The following CIRSR variants were observed in gnomAD, a reference collection of about 807,000 sequenced individuals.
CIRSR encodes the protein corepressor of RBPJ and splicing regulator, also known as CBF1 (RBPJ) interacting corepressor 1.
At chr2:174,361,626 C>T in the CIRSR span, among the ~76,000 whole-genome samples, 1 of 152,148 alleles carries the variant, frequency 6.6e-6, no homozygotes, top group Non-Finnish European at 1.5e-5. Flanking sequence ...AAAATTAAAT[C>T]AAGAATTAGG....
the CIRSR span, among the ~76,000 whole-genome samples, chr2:174,392,262 G>A: frequency 6.6e-6 from 1 of 152,188 alleles, no homozygotes; most frequent in East Asian, 1.9e-4. Flanking sequence ...CACCCAAAGT[G>A]CAGAGATTAC....
the CIRSR span, chr2:174,349,087 G>C: frequency 6.5e-7 from 1 of 1,544,188 alleles, no homozygotes; most frequent in Non-Finnish European, 8.7e-7. Flanking sequence ...GAGGACTTAT[G>C]TTTTTTGTGT....
At chr2:174,373,162 A>T in the CIRSR span, among the ~76,000 whole-genome samples, 1 of 152,216 alleles carries the variant, frequency 6.6e-6, no homozygotes, top group Non-Finnish European at 1.5e-5. Flanking sequence ...TCATAATTTT[A>T]TCATAGAGTT....
At chr2:174,366,099 C>T in the CIRSR span, among the ~76,000 whole-genome samples, 1 of 152,056 alleles carries the variant, frequency 6.6e-6, no homozygotes, top group Non-Finnish European at 1.5e-5. Context: ...ATTTACAATG[C>T]CTTTGACGGG....
the CIRSR span, chr2:174,370,133 G>A: frequency 8.0e-7 from 1 of 1,247,912 alleles, no homozygotes; most frequent in South Asian, 1.3e-5. Context: ...GGGCATAATG[G>A]GTGGTTGAGA....
chr2:174,354,622 ATAT>A, the CIRSR span, among the ~76,000 whole-genome samples: 1 of 81,136 alleles, frequency 1.2e-5, no homozygotes. Context: ...TATATTTTAT[ATAT>A]TATATAATAT....
chr2:174,378,781 T>G, the CIRSR span: 2 of 699,786 alleles, frequency 2.9e-6, no homozygotes, highest in Non-Finnish European at 5.1e-6. Flanking sequence ...AATCATATTT[T>G]GGGAATGGTC....
At chr2:174,378,611 T>G in the CIRSR span, 1 of 341,928 alleles carries the variant, frequency 2.9e-6, no homozygotes, top group Admixed American at 4.6e-5. Context: ...GTATGAGAAA[T>G]AAGCATTTTT....
At chr2:174,370,062 A>T in the CIRSR span, 677 of 1,355,934 alleles carry the variant, frequency 5.0e-4, 1 homozygote, top group Non-Finnish European at 6.5e-4. Flanking sequence ...GCATGCCTGC[A>T]TTAGAGTTTC....
the CIRSR span, among the ~76,000 whole-genome samples, chr2:174,388,322 C>T: frequency 1.2e-3 from 177 of 152,306 alleles, no homozygotes; most frequent in South Asian, 9.1e-3. Flanking sequence ...CCTCAGCCTC[C>T]GGAGTAGCTG....
chr2:174,393,975 T>C, the CIRSR span, among the ~76,000 whole-genome samples: 2 of 152,234 alleles, frequency 1.3e-5, no homozygotes, highest in Admixed American at 6.5e-5. Context: ...ATCAAAAACA[T>C]TTCATTCTTC....
chr2:174,348,374 G>A, the CIRSR span: 1 of 1,436,678 alleles, frequency 7.0e-7, no homozygotes, highest in Non-Finnish European at 9.2e-7. Flanking sequence ...TTAAAATTGA[G>A]CTTTTTTATT....
chr2:174,349,030 A>C, the CIRSR span: 1 of 1,598,350 alleles, frequency 6.3e-7, no homozygotes, highest in Admixed American at 1.7e-5. Context: ...CTGCTTTCTG[A>C]AGTCTCAGTA....
At chr2:174,348,628 G>A in the CIRSR span, 2 of 1,614,026 alleles carry the variant, frequency 1.2e-6, no homozygotes, top group Admixed American at 1.7e-5. Flanking sequence ...GGATTTCGCT[G>A]TGCCCGTTTC....
At chr2:174,389,943 A>G in the CIRSR span, among the ~76,000 whole-genome samples, 7 of 152,250 alleles carry the variant, frequency 4.6e-5, no homozygotes, top group Non-Finnish European at 1.0e-4. Flanking sequence ...CAGAAGATGT[A>G]TGGAAACACC....
chr2:174,380,949 T>A, the CIRSR span: 3 of 680,332 alleles, frequency 4.4e-6, no homozygotes, highest in Non-Finnish European at 4.6e-6. Context: ...TTGACTTTTT[T>A]TCTTCTTTCA....
At chr2:174,376,817 A>G in the CIRSR span, among the ~76,000 whole-genome samples, 31 of 151,782 alleles carry the variant, frequency 2.0e-4, no homozygotes, top group Middle Eastern at 3.4e-3. Context: ...AAAAAAAAAA[A>G]AAAGAAAGAA....
At chr2:174,387,814 T>C in the CIRSR span, 1 of 1,523,508 alleles carries the variant, frequency 6.6e-7, no homozygotes, top group East Asian at 2.3e-5. Context: ...AATTAAATTG[T>C]TGGATTTAAA....
At chr2:174,387,630 A>C in the CIRSR span, 4 of 1,521,028 alleles carry the variant, frequency 2.6e-6, no homozygotes, top group Non-Finnish European at 2.7e-6. Flanking sequence ...TCAGTAGGAA[A>C]TTATTCCCAT....
Sources: gnomAD v4.1 joint callset for allele counts (sites outside exome capture counted in the v4.1 genomes callset) on GRCh38, gnomAD v4.1.1 for gene constraint, MANE v1.5 for transcripts, NCBI Gene and HGNC (gene_info 2026-07-23, HGNC 2026-07-21) for gene names.